Variants in GABRA5 observed in about 807,000 individuals in gnomAD.
GABRA5 encodes gamma-aminobutyric acid receptor subunit alpha-5.
Under a neutral mutation model 47.3 loss-of-function variants are expected in GABRA5, and 18 were observed. The ratio of observed to expected loss-of-function variants is 0.38; its 90% CI spans 0.26 to 0.56. GABRA5 has a LOEUF of 0.56. GABRA5 is among the 20% of genes least tolerant of loss of function. The probability of loss-of-function intolerance (pLI) is 0.71; values close to 1 mark genes in which losing one functional copy is unlikely to be tolerated. For synonymous variants in GABRA5, 237 were observed against 229.3 expected (o/e 1.03, Z -0.30); for missense variants, 365 against 599.3 (o/e 0.61, Z 4.08).
At chr15:26,880,784 T>C (rs1892709774) in intron 3 of GABRA5, 62 bp from the exon 4 acceptor site, 2 of 1,571,116 alleles carry the variant, frequency 1.3e-6, no homozygotes, top group Admixed American at 1.7e-5. Context: ...TTTCTGTATC[T>C]TGAGAAGAAT....
chr15:26,882,859 G>A (rs1284162002), intron 4 of GABRA5, among the ~76,000 whole-genome samples: 2 of 152,144 alleles, frequency 1.3e-5, no homozygotes, highest in Non-Finnish European at 2.9e-5. Flanking sequence ...ATGGAAGCTC[G>A]GGTGTTTGCA....
At chr15:26,935,883 T>C (rs544399769) in intron 7 of GABRA5, among the ~76,000 whole-genome samples, 11 of 152,348 alleles carry the variant, frequency 7.2e-5, no homozygotes, top group African/African-American at 2.6e-4. Flanking sequence ...TCCTGTGCTC[T>C]GCACACTGTT....
chr15:26,937,940 A>G (rs1029840907), intron 8 of GABRA5, among the ~76,000 whole-genome samples: 2 of 152,254 alleles, frequency 1.3e-5, no homozygotes, highest in Non-Finnish European at 2.9e-5. Flanking sequence ...GCCCAGCCAT[A>G]GAGGTCAAGG....
chr15:26,923,661 T>C lies in GABRA5; in HGVS notation c.580+8776T>C, dbSNP rs147679072. Among the ~76,000 whole-genome samples the C allele has an allele frequency of 6.3e-3, 960 of 152,264 alleles. 9 individuals are homozygous for C. The highest frequency in any genetic ancestry group is 0.011 in the Non-Finnish European group (761 of 68,022). On this transcript the variant is annotated intron_variant, in intron 7 of 10. Coordinates refer to ENST00000335625, the MANE Select transcript of GABRA5 (RefSeq NM_000810.4). ...AGGTTTTGGTCAAGTTTGGGAAGTT[T>C]TATGAATTAATTCTTTGAACACTCT...
At chr15:26,904,463 T>C (rs907363701) in intron 6 of GABRA5, among the ~76,000 whole-genome samples, 2 of 152,144 alleles carry the variant, frequency 1.3e-5, no homozygotes, top group Non-Finnish European at 1.5e-5. Context: ...TTTGATTCCA[T>C]ATGAATTTTA....
At chr15:26,923,506 A>C (rs1331675291) in intron 7 of GABRA5, among the ~76,000 whole-genome samples, 1 of 110,714 alleles carries the variant, frequency 9.0e-6, no homozygotes, top group East Asian at 2.8e-4. Context: ...TTGTTACCTT[A>C]AAGACTTTTT....
intron 3 of GABRA5, among the ~76,000 whole-genome samples, chr15:26,878,542 C>T (rs1376846056): frequency 1.3e-5 from 2 of 152,134 alleles, no homozygotes; most frequent in African/African-American, 2.4e-5. Flanking sequence ...GCTCCTACCC[C>T]GATAGGCATC....
At chr15:26,906,511 C>A (rs1373268998) in intron 6 of GABRA5, among the ~76,000 whole-genome samples, 2 of 152,092 alleles carry the variant, frequency 1.3e-5, no homozygotes, top group Admixed American at 6.6e-5. Flanking sequence ...ATGCACGTGA[C>A]CTCTTAGATT....
chr15:26,927,404 G>A (rs763359691), intron 7 of GABRA5, among the ~76,000 whole-genome samples: 7 of 151,832 alleles, frequency 4.6e-5, no homozygotes, highest in African/African-American at 9.7e-5. Flanking sequence ...GCACCACTGC[G>A]CCCGGCATAT....
intron 3 of GABRA5, 90 bp from the exon 4 acceptor site, chr15:26,880,756 C>G (rs1248380559): frequency 7.3e-7 from 1 of 1,374,474 alleles, no homozygotes; most frequent in Non-Finnish European, 1.0e-6. Context: ...GGAGACAAGC[C>G]TCCACGTGAC....
At chr15:26,909,362 G>A (rs1893523599) in intron 6 of GABRA5, among the ~76,000 whole-genome samples, 2 of 152,142 alleles carry the variant, frequency 1.3e-5, no homozygotes, top group African/African-American at 4.8e-5. Context: ...CATCTGAAAA[G>A]TCCTTTTTGC....
intron 7 of GABRA5, among the ~76,000 whole-genome samples, chr15:26,923,608 C>G (rs974276830): frequency 1.1e-4 from 16 of 151,918 alleles, no homozygotes; most frequent in South Asian, 2.1e-4. Flanking sequence ...ACACCAATAG[C>G]CTTTCTGGTG....
intron 2 of GABRA5, 127 bp downstream of exon 2, chr15:26,868,920 T>A: frequency 4.1e-6 from 1 of 244,942 alleles, no homozygotes; most frequent in East Asian, 7.6e-5. Context: ...ACAGAGTATT[T>A]GAGTGGAAAA....
At chr15:26,938,774 C>A (rs544316539) in intron 8 of GABRA5, among the ~76,000 whole-genome samples, 2 of 152,222 alleles carry the variant, frequency 1.3e-5, no homozygotes, top group Non-Finnish European at 2.9e-5. Flanking sequence ...AGATTGTTGG[C>A]TCCTCTTGTG....
chr15:26,909,395 G>A (rs1279324167), intron 6 of GABRA5, among the ~76,000 whole-genome samples: 1 of 152,164 alleles, frequency 6.6e-6, no homozygotes, highest in East Asian at 1.9e-4. Context: ...ATATTGACAG[G>A]TAGGAAGAGT....
intron 7 of GABRA5, among the ~76,000 whole-genome samples, chr15:26,923,590 A>T (rs1893890370): frequency 6.6e-6 from 1 of 151,804 alleles, no homozygotes; most frequent in South Asian, 2.1e-4. Flanking sequence ...TTATAGGTTT[A>T]TTGGTCTACA....
intron 6 of GABRA5, among the ~76,000 whole-genome samples, chr15:26,898,472 T>G (rs1375443895): frequency 6.6e-6 from 1 of 152,232 alleles, no homozygotes; most frequent in Admixed American, 6.5e-5. Context: ...AATGGCATTA[T>G]AAATATTAGC....
intron 6 of GABRA5, among the ~76,000 whole-genome samples, chr15:26,900,961 T>C (rs1432975085): frequency 1.3e-5 from 2 of 152,180 alleles, no homozygotes; most frequent in Non-Finnish European, 2.9e-5. Context: ...ATACCGTGTG[T>C]CATATTTTCA....
chr15:26,907,534 G>T (rs759897502), intron 6 of GABRA5, among the ~76,000 whole-genome samples: 1 of 152,292 alleles, frequency 6.6e-6, no homozygotes, highest in East Asian at 1.9e-4. Flanking sequence ...TCCTTAGGAG[G>T]TTGGCAAACC....
Sources: gnomAD v4.1 joint callset for allele counts (sites outside exome capture counted in the v4.1 genomes callset) on GRCh38, gnomAD v4.1.1 for gene constraint, MANE v1.5 for transcripts, NCBI Gene and HGNC (gene_info 2026-07-23, HGNC 2026-07-21) for gene names.